Variants in OR51B5 observed in about 807,000 individuals in gnomAD.
OR51B5 encodes olfactory receptor family 51 subfamily B member 5.
For synonymous variants in OR51B5, 186 were observed against 144.8 expected (o/e 1.28, Z -2.04); for missense variants, 456 against 374.6 (o/e 1.22, Z -1.79).
At chr11:5,376,222 T>A (rs975434629) in intron 1 of OR51B5, among the ~76,000 whole-genome samples, 4 of 152,040 alleles carry the variant, frequency 2.6e-5, no homozygotes, top group African/African-American at 4.8e-5. Flanking sequence ...ACTGGGTACA[T>A]AACGAAATGA....
At chr11:5,406,738 A>C (rs190079214) in intron 1 of OR51B5, among the ~76,000 whole-genome samples, 83 of 152,278 alleles carry the variant, frequency 5.5e-4, no homozygotes, top group African/African-American at 1.9e-3. Context: ...CATTCAAGGC[A>C]ATGAGGATGT....
intron 1 of OR51B5, among the ~76,000 whole-genome samples, chr11:5,433,077 G>A (rs1440458608): frequency 6.6e-6 from 1 of 152,134 alleles, no homozygotes; most frequent in Admixed American, 6.5e-5. Flanking sequence ...AAACATTTCA[G>A]GTGAAAATTA....
At chr11:5,419,673 T>C (rs1850300806) in intron 1 of OR51B5, among the ~76,000 whole-genome samples, 1 of 152,160 alleles carries the variant, frequency 6.6e-6, no homozygotes, top group African/African-American at 2.4e-5. Flanking sequence ...CCAGGAGAGC[T>C]CCTGGAAACA....
intron 1 of OR51B5, among the ~76,000 whole-genome samples, chr11:5,448,459 A>G (rs1850801827): frequency 6.6e-6 from 1 of 152,212 alleles, no homozygotes; most frequent in Admixed American, 6.5e-5. Flanking sequence ...GGTACAAGCT[A>G]GAGAGAGATG....
intron 1 of OR51B5, among the ~76,000 whole-genome samples, chr11:5,412,037 T>C (rs957360291): frequency 1.3e-5 from 2 of 152,204 alleles, no homozygotes; most frequent in East Asian, 3.9e-4. Flanking sequence ...AAATGTTGTT[T>C]TAAGCTATCA....
chr11:5,460,228 G>T (rs796499059), intron 1 of OR51B5, among the ~76,000 whole-genome samples: 2 of 152,130 alleles, frequency 1.3e-5, no homozygotes, highest in Non-Finnish European at 2.9e-5. Flanking sequence ...AACAGATACT[G>T]GGGCCTACTG....
chr11:5,343,429 C>T (rs1848937058), exon 1 of OR51B5: 1 of 1,612,142 alleles, frequency 6.2e-7, no homozygotes, highest in East Asian at 2.2e-5. Flanking sequence ...TGGATATATA[C>T]ATGAACAAGA....
chr11:5,394,289 G>T (rs564033188), intron 1 of OR51B5, among the ~76,000 whole-genome samples: 1 of 152,050 alleles, frequency 6.6e-6, no homozygotes, highest in South Asian at 2.1e-4. Context: ...GTACACTGAG[G>T]CTCAGAGACA....
chr11:5,410,756 A>G (rs1566273), intron 1 of OR51B5, among the ~76,000 whole-genome samples: 64,417 of 152,078 alleles, frequency 0.42, 14,747 homozygotes, highest in Non-Finnish European at 0.52. Context: ...GGAAGTGGAA[A>G]ACAATATACT....
At chr11:5,471,297 T>C (rs1851224538) in intron 1 of OR51B5, among the ~76,000 whole-genome samples, 1 of 152,188 alleles carries the variant, frequency 6.6e-6, no homozygotes, top group Non-Finnish European at 1.5e-5. Flanking sequence ...TAGAGAGCCC[T>C]AGACTAGGAC....
At chr11:5,349,048 T>C (rs10837878) in intron 1 of OR51B5, among the ~76,000 whole-genome samples, 48,768 of 151,880 alleles carry the variant, frequency 0.32, 8,183 homozygotes, top group Non-Finnish European at 0.38. Flanking sequence ...GCGGCAGAGT[T>C]TGAGACTTTG....
intron 1 of OR51B5, chr11:5,403,137 C>T (rs1419306094): frequency 6.4e-6 from 3 of 470,028 alleles, no homozygotes; most frequent in Non-Finnish European, 8.8e-6. Context: ...TCTCACATTC[C>T]TATTGTCTGC....
chr11:5,464,385 CCACT>C (rs527320934), intron 1 of OR51B5, among the ~76,000 whole-genome samples: 1,661 of 151,938 alleles, frequency 0.011, 14 homozygotes, highest in Non-Finnish European at 0.015. Flanking sequence ...TGCGCTGCAC[CCACT>C]AACTCGTCAT....
chr11:5,422,194 A>G, intron 1 of OR51B5: 1 of 1,586,892 alleles, frequency 6.3e-7, no homozygotes, highest in Non-Finnish European at 8.6e-7. Flanking sequence ...AGACACATTC[A>G]TCAGTCATGT....
intron 1 of OR51B5, among the ~76,000 whole-genome samples, chr11:5,381,151 C>T (rs1017992341): frequency 1.4e-5 from 1 of 69,928 alleles, no homozygotes; most frequent in African/African-American, 4.2e-5. Context: ...CTGTCGCTCG[C>T]TCGCTGTTTC....
chr11:5,399,685 T>C (rs1262211190), intron 1 of OR51B5, among the ~76,000 whole-genome samples: 2 of 151,842 alleles, frequency 1.3e-5, no homozygotes, highest in Admixed American at 6.6e-5. Flanking sequence ...AGGAGAATGA[T>C]TGTGTTTTAA....
chr11:5,421,675 T>A (rs1191295600), intron 1 of OR51B5, among the ~76,000 whole-genome samples: 1 of 151,728 alleles, frequency 6.6e-6, no homozygotes, highest in Non-Finnish European at 1.5e-5. Flanking sequence ...CCTTAATGAA[T>A]GAAAAAATTA....
chr11:5,466,173 A>T (rs910346394), intron 1 of OR51B5, among the ~76,000 whole-genome samples: 2 of 152,252 alleles, frequency 1.3e-5, no homozygotes, highest in Admixed American at 1.3e-4. Context: ...CGTAGACGAC[A>T]ATACACTGTA....
downstream of OR51B5, chr11:5,340,458 A>ACCG (rs34240452): frequency 3.4e-4 from 1 of 2,902 alleles, no homozygotes; most frequent in Non-Finnish European, 2.5e-3. Flanking sequence ...TAGTAATTCT[A>ACCG]CAACAAAAGC....
Sources: gnomAD v4.1 joint callset for allele counts (sites outside exome capture counted in the v4.1 genomes callset) on GRCh38, gnomAD v4.1.1 for gene constraint, MANE v1.5 for transcripts, NCBI Gene and HGNC (gene_info 2026-07-23, HGNC 2026-07-21) for gene names.